LRMDA: variants seen among roughly 807,000 people sequenced by gnomAD.
LRMDA encodes the protein leucine-rich melanocyte differentiation-associated protein.
A neutral mutation model predicts 29.8 loss-of-function variants in LRMDA; 18 were observed. That is an observed-to-expected ratio of 0.60 (90% CI 0.42 to 0.90). The LOEUF is 0.90. LRMDA is among the 40% of genes least tolerant of loss of function. LRMDA has a pLI of 0.00. For synonymous variants in LRMDA, 125 were observed against 109.4 expected (o/e 1.14, Z -0.89); for missense variants, 273 against 273.9 (o/e 1.00, Z 0.02).
intron 5 of LRMDA, among the ~76,000 whole-genome samples, chr10:76,122,737 T>A (rs950240702): frequency 6.6e-6 from 1 of 152,186 alleles, no homozygotes; most frequent in East Asian, 1.9e-4. Flanking sequence ...GGGATGGAGA[T>A]GAACATGAAC....
intron 5 of LRMDA, among the ~76,000 whole-genome samples, chr10:76,297,978 G>C (rs753331538): frequency 2.0e-5 from 3 of 152,226 alleles, no homozygotes; most frequent in Non-Finnish European, 4.4e-5. Context: ...CGCATGTGCC[G>C]ACTGAAGTCG....
rs144656408 is a variant in LRMDA, at chr10:76,063,214, G to A, written c.516+4431G>A. 5.8e-4 allele frequency among the ~76,000 whole-genome samples: 89 copies of A among 152,326 alleles called. 1 individual carries two copies. Among genetic ancestry groups the A allele is most frequent in the African/African-American group, 2.1e-3 (87 of 41,576 alleles). On this transcript the variant is annotated intron_variant, in intron 5 of 6. Transcript: ENST00000611255. ...GTGTTTTGACGCTTATGTTTTGCTT[G>A]CATTAATATCCATCCTCATAGGGAA...
intron 2 of LRMDA, among the ~76,000 whole-genome samples, chr10:75,712,638 C>T (rs377541670): frequency 8.5e-5 from 13 of 152,170 alleles, no homozygotes; most frequent in African/African-American, 2.7e-4. Context: ...GAGGAATTGC[C>T]TGCTAAAGTA....
At chr10:76,151,487 C>T (rs1051650292) in intron 5 of LRMDA, among the ~76,000 whole-genome samples, 1 of 152,022 alleles carries the variant, frequency 6.6e-6, no homozygotes, top group African/African-American at 2.4e-5. Flanking sequence ...AGAATGTAAA[C>T]CTCTTGTATC....
intron 2 of LRMDA, among the ~76,000 whole-genome samples, chr10:75,696,326 G>A (rs1363259733): frequency 2.0e-5 from 3 of 152,190 alleles, no homozygotes; most frequent in African/African-American, 7.2e-5. Flanking sequence ...TCAACATCTT[G>A]GGCATTGCTG....
intron 2 of LRMDA, among the ~76,000 whole-genome samples, chr10:75,456,249 C>T (rs1245034244): frequency 3.3e-5 from 5 of 152,234 alleles, no homozygotes; most frequent in South Asian, 2.1e-4. Flanking sequence ...GCGGCAATTA[C>T]GCTGTTAGAA....
intron 2 of LRMDA, among the ~76,000 whole-genome samples, chr10:75,489,202 A>G (rs1844953424): frequency 6.9e-6 from 1 of 145,604 alleles, no homozygotes; most frequent in Non-Finnish European, 1.5e-5. Flanking sequence ...GGGCAAAACT[A>G]TGTCAACCCC....
At chr10:75,648,551 C>G (rs1348123371) in intron 2 of LRMDA, among the ~76,000 whole-genome samples, 2 of 152,120 alleles carry the variant, frequency 1.3e-5, no homozygotes, top group African/African-American at 4.8e-5. Context: ...GGGTCCTGGT[C>G]TGCTTGGGGA....
At chr10:75,981,717 T>G (rs1001316202) in intron 2 of LRMDA, among the ~76,000 whole-genome samples, 1 of 151,806 alleles carries the variant, frequency 6.6e-6, no homozygotes, top group Non-Finnish European at 1.5e-5. Flanking sequence ...CTGGGAATGG[T>G]GGTGGGCATC....
At chr10:76,480,245 A>G (rs2132325914) in intron 6 of LRMDA, among the ~76,000 whole-genome samples, 1 of 152,062 alleles carries the variant, frequency 6.6e-6, no homozygotes, top group South Asian at 2.1e-4. Context: ...GGAAGAATTA[A>G]TGTTGGAATC....
At chr10:75,713,277 T>A (rs1842459323) in intron 2 of LRMDA, among the ~76,000 whole-genome samples, 1 of 152,244 alleles carries the variant, frequency 6.6e-6, no homozygotes, top group African/African-American at 2.4e-5. Flanking sequence ...TATTGCATAT[T>A]TTACAATAGA....
At chr10:76,513,756 A>G (rs1334712170) in intron 6 of LRMDA, among the ~76,000 whole-genome samples, 1 of 152,154 alleles carries the variant, frequency 6.6e-6, no homozygotes, top group African/African-American at 2.4e-5. Flanking sequence ...TTTGGCAGCC[A>G]TGGATACTCT....
chr10:75,723,187 G>T (rs1842589482), intron 2 of LRMDA, among the ~76,000 whole-genome samples: 1 of 152,222 alleles, frequency 6.6e-6, no homozygotes, highest in Non-Finnish European at 1.5e-5. Flanking sequence ...CTGGAAGTGT[G>T]AGCTTGCCAT....
intron 2 of LRMDA, among the ~76,000 whole-genome samples, chr10:75,808,571 G>A (rs149418533): frequency 2.6e-5 from 4 of 152,260 alleles, no homozygotes; most frequent in African/African-American, 4.8e-5. Flanking sequence ...GTGCAGTGGC[G>A]TGATCTCAGT....
intron 2 of LRMDA, among the ~76,000 whole-genome samples, chr10:75,496,789 C>G (rs1413702146): frequency 6.6e-6 from 1 of 152,136 alleles, no homozygotes; most frequent in Non-Finnish European, 1.5e-5. Flanking sequence ...AGAATCTTAA[C>G]AGAGCTATGG....
chr10:76,024,595 G>C (rs1323243873), intron 2 of LRMDA, among the ~76,000 whole-genome samples: 1 of 152,198 alleles, frequency 6.6e-6, no homozygotes, highest in African/African-American at 2.4e-5. Context: ...AGACCTCACA[G>C]AATCAACAGT....
At position 75,913,461 on chromosome 10, in the gene LRMDA, G is replaced by A. The variant is rs182149226; in HGVS notation, c.132-122547G>A. ...ACACAGCGAGACTCCGTCTTGGGGG[G>A]AAAAAAAATTCTTCTGCCTGAAGTT... is the stretch of plus-strand genomic sequence containing the variant. On this transcript the variant is annotated intron_variant, in intron 2 of 6. Transcript: ENST00000611255. 6.4e-3 allele frequency among the ~76,000 whole-genome samples: 970 copies of A among 152,006 alleles called. 12 individuals carry two copies. Among genetic ancestry groups the A allele is most frequent in the African/African-American group, 0.023 (945 of 41,484 alleles).
chr10:76,334,837 C>G (rs1840948106), intron 6 of LRMDA, among the ~76,000 whole-genome samples: 1 of 152,162 alleles, frequency 6.6e-6, no homozygotes, highest in South Asian at 2.1e-4. Context: ...ACATGTGGAA[C>G]CCTGCACCAG....
chr10:76,033,120 C>T (rs1352754789), intron 2 of LRMDA, among the ~76,000 whole-genome samples: 1 of 152,022 alleles, frequency 6.6e-6, no homozygotes, highest in Non-Finnish European at 1.5e-5. Flanking sequence ...TGTGTATTGT[C>T]GTCCACGTGT....
Sources: allele counts gnomAD v4.1 joint callset (sites outside exome capture counted in the v4.1 genomes callset), GRCh38; gene constraint gnomAD v4.1.1; transcripts MANE v1.5; gene names NCBI Gene and HGNC (gene_info 2026-07-23, HGNC 2026-07-21).